The following DLGAP2 variants were observed in gnomAD, a reference collection of about 807,000 sequenced individuals.
DLGAP2 encodes DLG associated protein 2.
Under a neutral mutation model 100.3 loss-of-function variants are expected in DLGAP2, and 26 were observed. That is an observed-to-expected ratio of 0.26 (90% CI 0.19 to 0.36). The LOEUF (loss-of-function observed/expected upper bound fraction) is 0.36. Among genes scored for constraint, DLGAP2 ranks in the 10% least tolerant of loss-of-function variants. DLGAP2 has a pLI of 1.00. For synonymous variants in DLGAP2, 886 were observed against 630.1 expected (o/e 1.41, Z -6.08); for missense variants, 1,858 against 1,453.2 (o/e 1.28, Z -4.53).
rs149945707 is a variant in DLGAP2, at chr8:1,243,760, G to A, written c.74-15091G>A. Among the ~76,000 whole-genome samples the A allele has an allele frequency of 5.9e-5, 9 of 152,240 alleles. No homozygotes were observed. In the East Asian group the frequency reaches 1.7e-3, roughly 29 times the overall value. On this transcript the variant is annotated intron_variant, in intron 2 of 14. Coordinates refer to ENST00000637795, the MANE Select transcript of DLGAP2 (RefSeq NM_001346810.2). Reference sequence around the variant, plus strand: ...AACAACAGAGCATCTCGCCTCTGCTGTCTCTTCTCTCAGGTGGGCCACCCA... The same window carrying A: ...AACAACAGAGCATCTCGCCTCTGCTATCTCTTCTCTCAGGTGGGCCACCCA...
At chr8:1,279,679 T>G (rs528678377) in intron 3 of DLGAP2, among the ~76,000 whole-genome samples, 135 of 152,336 alleles carry the variant, frequency 8.9e-4, no homozygotes, top group Middle Eastern at 6.8e-3. Flanking sequence ...TTGGCTGAGT[T>G]GGTGCTGGCT....
chr8:1,525,846 G>A (rs1298031234), intron 4 of DLGAP2, among the ~76,000 whole-genome samples: 3 of 152,206 alleles, frequency 2.0e-5, no homozygotes, highest in African/African-American at 7.2e-5. Flanking sequence ...CATCTCCTGT[G>A]TGACGTTGGG....
chr8:1,623,468 G>T (rs1010905461), intron 6 of DLGAP2, among the ~76,000 whole-genome samples: 1 of 151,888 alleles, frequency 6.6e-6, no homozygotes, highest in Non-Finnish European at 1.5e-5. Flanking sequence ...AGCGCGCAAT[G>T]ACCTGACACC....
rs188523889 is a variant in DLGAP2, at chr8:1,420,750, C to T, written c.107-80616C>T. 9.9e-4 allele frequency among the ~76,000 whole-genome samples: 151 copies of T among 152,192 alleles called. 1 individual carries two copies. Among genetic ancestry groups the T allele is most frequent in the African/African-American group, 3.4e-3 (143 of 41,516 alleles). On this transcript the variant is annotated intron_variant, in intron 3 of 14. Transcript: ENST00000637795. ...TATCACATAACTCAGCTCCCTGGCT[C>T]GGTGGTAATCTTGTTAACTTGGCCC...
intron 3 of DLGAP2, among the ~76,000 whole-genome samples, chr8:1,363,605 G>A (rs188945203): frequency 3.3e-5 from 5 of 152,326 alleles, no homozygotes; most frequent in African/African-American, 7.2e-5. Flanking sequence ...CCTGTCAGGC[G>A]ACATTGGGAT....
intron 4 of DLGAP2, among the ~76,000 whole-genome samples, chr8:1,531,790 G>A (rs2130456735): frequency 6.6e-6 from 1 of 152,260 alleles, no homozygotes; most frequent in Non-Finnish European, 1.5e-5. Context: ...GAAAGTTAGA[G>A]CTACATGTAA....
intron 2 of DLGAP2, among the ~76,000 whole-genome samples, chr8:1,136,685 C>G (rs558254526): frequency 6.6e-6 from 1 of 152,306 alleles, no homozygotes; most frequent in Admixed American, 6.5e-5. Flanking sequence ...GTGGATTCCC[C>G]CAGCTTCGTG....
intron 3 of DLGAP2, among the ~76,000 whole-genome samples, chr8:1,284,781 T>A (rs1043320707): frequency 1.3e-5 from 2 of 152,108 alleles, no homozygotes; most frequent in Non-Finnish European, 2.9e-5. Context: ...CCAGCTAATT[T>A]GCGTGTTTAT....
At chr8:788,415 A>C (rs188597268) in intron 1 of DLGAP2, among the ~76,000 whole-genome samples, 35 of 152,172 alleles carry the variant, frequency 2.3e-4, no homozygotes, top group Admixed American at 1.8e-3. Flanking sequence ...CACGTGGTCT[A>C]GTTGAGGCCT....
chr8:1,504,999 C>G (rs186958960), intron 4 of DLGAP2, among the ~76,000 whole-genome samples: 1 of 151,818 alleles, frequency 6.6e-6, no homozygotes, highest in East Asian at 1.9e-4. Flanking sequence ...GCAAAAAACA[C>G]AAAAAGAAAG....
intron 2 of DLGAP2, among the ~76,000 whole-genome samples, chr8:963,020 A>T (rs1289467383): frequency 6.6e-6 from 1 of 152,208 alleles, no homozygotes; most frequent in African/African-American, 2.4e-5. Context: ...TCGCACAGCC[A>T]TGCTGGCTGC....
At chr8:842,790 T>C (rs1223425165) in intron 1 of DLGAP2, among the ~76,000 whole-genome samples, 1 of 152,240 alleles carries the variant, frequency 6.6e-6, no homozygotes, top group African/African-American at 2.4e-5. Flanking sequence ...TTATTCATTC[T>C]TGTTTCCTCT....
chr8:1,103,881 C>T (rs532321802), intron 2 of DLGAP2, among the ~76,000 whole-genome samples: 95 of 152,338 alleles, frequency 6.2e-4, no homozygotes, highest in Non-Finnish European at 1.1e-3. Flanking sequence ...GAGGGGTCCC[C>T]GCACCCATGT....
intron 2 of DLGAP2, among the ~76,000 whole-genome samples, chr8:922,162 A>G (rs559341179): frequency 5.3e-5 from 8 of 152,270 alleles, no homozygotes; most frequent in Non-Finnish European, 7.4e-5. Flanking sequence ...TGGTGTTTTC[A>G]TGGAAGTTGG....
chr8:889,950 TC>T (rs780874087), intron 1 of DLGAP2, among the ~76,000 whole-genome samples: 3 of 152,064 alleles, frequency 2.0e-5, no homozygotes, highest in Non-Finnish European at 4.4e-5. Context: ...AAGCAAAGTT[TC>T]CCCCGCTGGG....
chr8:1,187,291 T>A (rs979742469), intron 2 of DLGAP2, among the ~76,000 whole-genome samples: 16 of 150,378 alleles, frequency 1.1e-4, no homozygotes, highest in Non-Finnish European at 1.3e-4. Context: ...TCTCATGGAA[T>A]CTCACATGCC....
intron 2 of DLGAP2, among the ~76,000 whole-genome samples, chr8:1,096,488 C>T (rs552915889): frequency 5.3e-5 from 8 of 149,616 alleles, no homozygotes; most frequent in South Asian, 2.1e-4. Context: ...GCTCCAGAGT[C>T]GAGGGACTCA....
chr8:1,482,774 T>A (rs1799131357), intron 3 of DLGAP2, among the ~76,000 whole-genome samples: 1 of 152,228 alleles, frequency 6.6e-6, no homozygotes, highest in Admixed American at 6.5e-5. Flanking sequence ...GAGTAGGAGC[T>A]GCAGGCAGCC....
rs182728907 is a variant in DLGAP2 at position 1,028,189 on chromosome 8, T to A, written c.73+120223T>A. ...GGCGCCCGTTATTCTCCAGTTGGGG[T>A]GCCAGGCGCCCATTATTCTCCAGGT... On this transcript the variant is annotated intron_variant, in intron 2 of 14. Coordinates refer to ENST00000637795, the MANE Select transcript of DLGAP2 (RefSeq NM_001346810.2). 4.9e-3 allele frequency among the ~76,000 whole-genome samples: 700 copies of A among 143,468 alleles called. 5 individuals carry two copies. The highest frequency in any genetic ancestry group is 7.9e-3 in the Non-Finnish European group (516 of 65,406). 94.1% of individuals were successfully genotyped at this position (143,468 alleles called of 152,430 possible).
Sources: gnomAD v4.1 joint callset for allele counts (sites outside exome capture counted in the v4.1 genomes callset) on GRCh38, gnomAD v4.1.1 for gene constraint, MANE v1.5 for transcripts, NCBI Gene and HGNC (gene_info 2026-07-23, HGNC 2026-07-21) for gene names.